Variants in HROB observed in about 807,000 individuals in gnomAD.
The protein encoded by HROB is homologous recombination factor with OB-fold.
HROB carries 44 observed loss-of-function variants against 61.0 expected under a neutral mutation model. The ratio of observed to expected loss-of-function variants is 0.72; its 90% CI spans 0.57 to 0.93. The LOEUF (loss-of-function observed/expected upper bound fraction) is 0.93, where lower values mean the gene tolerates loss of function less well. Among genes scored for constraint, HROB ranks in the 40% least tolerant of loss-of-function variants. HROB has a pLI of 0.00. For synonymous variants in HROB, 301 were observed against 310.4 expected (o/e 0.97, Z 0.32); for missense variants, 716 against 796.2 (o/e 0.90, Z 1.21).
In HROB at chr17:44,157,753, G is replaced by C. The variant is rs887336897; in HGVS notation, c.1771-80G>C. 7 of 1,052,272 alleles carry C rather than the reference G, an allele frequency of 6.7e-6. No individual in the cohort carries two copies. In the African/African-American group the frequency reaches 1.1e-4, roughly 17 times the overall value. 65.2% of individuals were successfully genotyped at this position (1,052,272 alleles called of 1,614,324 possible). A position where few individuals can be genotyped will look rare whatever the true frequency, so the allele number is the denominator to read the frequency against. On this transcript the variant is annotated intron_variant, in intron 8 of 9. Coordinates refer to ENST00000585683, the MANE Select transcript of HROB (RefSeq NM_001171251.3). ...TTCCTGAGCCCCACACTGTTCGTTTGAGGTTGTCTGGGTAGAGGTGGTGCC... is the reference window on the plus strand; with the variant it reads ...TTCCTGAGCCCCACACTGTTCGTTTCAGGTTGTCTGGGTAGAGGTGGTGCC...
In HROB at chr17:44,160,349, C is replaced by T. The variant is rs187448099; in HGVS notation, c.1880-1522C>T. 7.2e-5 allele frequency among the ~76,000 whole-genome samples: 11 copies of T among 152,256 alleles called. No homozygotes were observed. In the East Asian group the frequency reaches 9.7e-4, roughly 13 times the overall value. On this transcript the variant is annotated intron_variant, in intron 9 of 9. Coordinates refer to ENST00000585683, the MANE Select transcript of HROB (RefSeq NM_001171251.3). ...TTGGGAGGCCAAGGTGGGCGGATCA[C>T]GAGGTCAGGAGATCGAGACCATCCT... is the stretch of plus-strand genomic sequence containing the variant.
At chr17:44,152,843 C>T in intron 5 of HROB, 66 bp downstream of exon 5, 1 of 1,565,786 alleles carries the variant, frequency 6.4e-7, no homozygotes, top group South Asian at 1.2e-5. Flanking sequence ...GACCTACTGC[C>T]CTACTCCACC....
At chr17:44,149,742 A>G (rs1030817997) in intron 3 of HROB, among the ~76,000 whole-genome samples, 4 of 152,196 alleles carry the variant, frequency 2.6e-5, no homozygotes, top group African/African-American at 7.2e-5. Flanking sequence ...GTGTTGGACA[A>G]TTTGCTTGGA....
chr17:44,160,197 C>T (rs928566680), intron 9 of HROB, among the ~76,000 whole-genome samples: 2 of 152,170 alleles, frequency 1.3e-5, no homozygotes, highest in Non-Finnish European at 2.9e-5. Flanking sequence ...CCTTCAGCTC[C>T]TGACTCTGTA....
At chr17:44,156,262 G>T (rs550907503) in intron 8 of HROB, among the ~76,000 whole-genome samples, 1 of 150,794 alleles carries the variant, frequency 6.6e-6, no homozygotes, top group Non-Finnish European at 1.5e-5. Flanking sequence ...TTTTGAGACA[G>T]TTTTGCTCTG....
chr17:44,151,869 C>T lies in HROB; in HGVS notation c.1309-768C>T, dbSNP rs775709980. ...ATTTTATTTTATTTTATTTTTGAGACGGATTCTCGCTCTGTTGCCCAGGCT... is the reference window on the plus strand; with the variant it reads ...ATTTTATTTTATTTTATTTTTGAGATGGATTCTCGCTCTGTTGCCCAGGCT... On this transcript the variant is annotated intron_variant, in intron 4 of 9. Coordinates refer to ENST00000585683, the MANE Select transcript of HROB (RefSeq NM_001171251.3). Among the ~76,000 whole-genome samples the T allele has an allele frequency of 4.8e-4, 73 of 151,664 alleles. No individual in the cohort carries two copies. The Middle Eastern group carries it at 0.01, about 21-fold the overall frequency.
At chr17:44,150,388 CTTTCTTTT>C (rs1045599356) in intron 3 of HROB, among the ~76,000 whole-genome samples, 5 of 127,662 alleles carry the variant, frequency 3.9e-5, no homozygotes, top group African/African-American at 1.8e-4. Flanking sequence ...TTCTTTCTTT[CTTTCTTTT>C]TTTTTTTTTT....
At chr17:44,149,625 C>T (rs2053737906) in intron 3 of HROB, among the ~76,000 whole-genome samples, 1 of 152,082 alleles carries the variant, frequency 6.6e-6, no homozygotes, top group East Asian at 1.9e-4. Context: ...TCAGGCTGGT[C>T]ATGAACTAGG....
chr17:44,142,496 T>C (rs2053480452), intron 1 of HROB, among the ~76,000 whole-genome samples: 1 of 146,930 alleles, frequency 6.8e-6, no homozygotes, highest in African/African-American at 2.5e-5. Context: ...GGACGAAGTC[T>C]CGTTCTGTCG....
Position 44,148,525 on chromosome 17 carries a change from C to A in HROB, c.722C>A (p.Pro241His). The A allele has an allele frequency of 6.2e-7, 1 of 1,614,098 alleles. No individual in the cohort carries two copies. Among genetic ancestry groups the A allele is most frequent in the Non-Finnish European group, 8.5e-7 (1 of 1,180,016 alleles). The change falls in exon 3 of 10, where the codon CCC (proline) becomes CAC (histidine). Residue 241 changes from proline (P) to histidine (H), a missense_variant. Coordinates refer to ENST00000585683, the MANE Select transcript of HROB (RefSeq NM_001171251.3). ...GTCATCCAATGTAGGACTCCACGAC[C>A]CCCCTTGAGACCTGGTGCTGTGGGT... Reference protein sequence around the residue: ...DPVIQCRTPRPPLRPGAVGHL... With the variant: ...DPVIQCRTPRHPLRPGAVGHL...
intron 6 of HROB, 73 bp downstream of exon 6, chr17:44,154,737 C>T: frequency 6.3e-7 from 1 of 1,594,578 alleles, no homozygotes; most frequent in Non-Finnish European, 8.6e-7. Context: ...GAATCACCCT[C>T]TCCCTTTGCA....
intron 2 of HROB, among the ~76,000 whole-genome samples, chr17:44,146,778 G>A (rs952427248): frequency 6.6e-6 from 1 of 150,516 alleles, no homozygotes; most frequent in African/African-American, 2.4e-5. Context: ...AAGCCTTTCT[G>A]TAGCCCAGAC....
At chr17:44,158,004 G>C in intron 9 of HROB, 63 bp downstream of exon 9, 1 of 1,173,422 alleles carries the variant, frequency 8.5e-7, no homozygotes, top group Non-Finnish European at 1.2e-6. Context: ...AGCTGAACCA[G>C]AATCTTCCTG....
Position 44,149,015 on chromosome 17 carries a change from C to T in HROB, c.1212C>T (p.Ile404=). 6.2e-7 allele frequency: 1 copy of T among 1,613,362 alleles called. No homozygotes were observed. The highest frequency in any genetic ancestry group is 1.7e-5 in the Admixed American group (1 of 59,978). The change falls in exon 3 of 10, where the codon ATC becomes ATT. Residue 404 remains isoleucine, a synonymous_variant. Transcript: ENST00000585683. ...GCCGTTTCCCTGGCCCAGCTGGGAT[C>T]CTGCCTCACCAGGTGAGTGAGCTGG... ...KTRRFPGPAG[I]LPHQQSGRSL...
intron 4 of HROB, among the ~76,000 whole-genome samples, chr17:44,151,800 G>GATTTT (rs200271254): frequency 4.6e-5 from 7 of 151,862 alleles, no homozygotes; most frequent in South Asian, 2.1e-4. Flanking sequence ...GTCAGGAGCT[G>GATTTT]ATTTTATTTT....
At chr17:44,145,093 A>G in intron 1 of HROB, 110 bp from the exon 2 acceptor site, 1 of 1,267,164 alleles carries the variant, frequency 7.9e-7, no homozygotes, top group Non-Finnish European at 1.1e-6. Flanking sequence ...AAAAACAAAC[A>G]AAAAACAATA....
intron 5 of HROB, among the ~76,000 whole-genome samples, chr17:44,153,533 G>A (rs1250794742): frequency 6.6e-6 from 1 of 152,086 alleles, no homozygotes; most frequent in Non-Finnish European, 1.5e-5. Context: ...ATCACCTGAG[G>A]TCGCGAGTTC....
At chr17:44,143,735 T>G (rs2053528810) in intron 1 of HROB, among the ~76,000 whole-genome samples, 1 of 152,032 alleles carries the variant, frequency 6.6e-6, no homozygotes, top group African/African-American at 2.4e-5. Context: ...GAGGGTCACT[T>G]GAGCCTAGGA....
intron 2 of HROB, among the ~76,000 whole-genome samples, chr17:44,147,411 GTTTC>G (rs2053641734): frequency 6.7e-6 from 1 of 148,738 alleles, no homozygotes; most frequent in African/African-American, 2.5e-5. Flanking sequence ...TCATGCTTTG[GTTTC>G]TTTTTCTTTT....
Sources: allele counts gnomAD v4.1 joint callset (sites outside exome capture counted in the v4.1 genomes callset), GRCh38; gene constraint gnomAD v4.1.1; transcripts MANE v1.5; gene names NCBI Gene and HGNC (gene_info 2026-07-23, HGNC 2026-07-21).